KCNJ3: variants seen among roughly 807,000 people sequenced by gnomAD.
KCNJ3 encodes G protein-activated inward rectifier potassium channel 1.
KCNJ3 carries 4 observed loss-of-function variants against 39.2 expected under a neutral mutation model. The observed-to-expected ratio is 0.10, with a 90% CI of 0.05 to 0.23. The LOEUF is 0.23. Among genes scored for constraint, KCNJ3 ranks in the 10% least tolerant of loss-of-function variants. The pLI is 1.00. For synonymous variants in KCNJ3, 230 were observed against 237.4 expected (o/e 0.97, Z 0.29); for missense variants, 276 against 634.9 (o/e 0.43, Z 6.08).
intron 2 of KCNJ3, among the ~76,000 whole-genome samples, chr2:154,719,234 C>T (rs150692535): frequency 6.6e-6 from 1 of 152,252 alleles, no homozygotes; most frequent in Non-Finnish European, 1.5e-5. Flanking sequence ...TATAGGACTC[C>T]TCCATCTAGC....
In KCNJ3 at chr2:154,801,555, T is replaced by TTTTC. The variant is rs796265456; in HGVS notation, c.920-53158_920-53155dup. Among the ~76,000 whole-genome samples, 159 of 151,378 alleles carry TTTTC rather than the reference T, an allele frequency of 1.1e-3. No individual in the cohort carries two copies. The East Asian group carries it at 0.017, about 16-fold the overall frequency. ...TTTCCTTCTTTCTTTCTTTCTTTTCTTTTCTTTCTTTCTTTCTCTGTCTCT... is the reference window on the plus strand; with the variant it reads ...TTTCCTTCTTTCTTTCTTTCTTTTCTTTTCTTTCTTTCTTTCTTTCTCTGTCTCT... On this transcript the variant is annotated intron_variant, in intron 2 of 2. Coordinates refer to ENST00000295101, the MANE Select transcript of KCNJ3 (RefSeq NM_002239.4).
rs902483676 is a variant in KCNJ3 at position 154,853,769 on chromosome 2, C to T, written c.920-958C>T. 4.6e-5 allele frequency among the ~76,000 whole-genome samples: 7 copies of T among 151,982 alleles called. No homozygotes were observed. In the East Asian group the frequency reaches 5.8e-4, roughly 13 times the overall value. ...TTGACTGATTTGATTGTAACACAAT[C>T]GAAATAAATGATTTATGAAGAGAAC... On this transcript the variant is annotated intron_variant, in intron 2 of 2. Transcript: ENST00000295101.
intron 2 of KCNJ3, among the ~76,000 whole-genome samples, chr2:154,770,326 G>A (rs574576887): frequency 6.6e-6 from 1 of 152,286 alleles, no homozygotes; most frequent in South Asian, 2.1e-4. Flanking sequence ...AGAAAGAGGA[G>A]TAGAATTCAT....
intron 2 of KCNJ3, among the ~76,000 whole-genome samples, chr2:154,747,326 G>A (rs1310791361): frequency 6.6e-6 from 1 of 151,964 alleles, no homozygotes; most frequent in Non-Finnish European, 1.5e-5. Flanking sequence ...AGTTGTAAGA[G>A]ATAAGATTAA....
At chr2:154,764,166 T>C (rs1419686905) in intron 2 of KCNJ3, among the ~76,000 whole-genome samples, 1 of 152,240 alleles carries the variant, frequency 6.6e-6, no homozygotes, top group Non-Finnish European at 1.5e-5. Flanking sequence ...ATCTCCATTA[T>C]ATTCTGGGCT....
At chr2:154,730,141 C>T (rs1367416281) in intron 2 of KCNJ3, among the ~76,000 whole-genome samples, 2 of 152,006 alleles carry the variant, frequency 1.3e-5, no homozygotes, top group African/African-American at 2.4e-5. Context: ...TAAGGACCAA[C>T]AGGGCTTTCT....
At chr2:154,759,883 A>G (rs1310731919) in intron 2 of KCNJ3, among the ~76,000 whole-genome samples, 6 of 152,098 alleles carry the variant, frequency 3.9e-5, no homozygotes, top group Non-Finnish European at 5.9e-5. Context: ...TCAGCATTTT[A>G]TTAATAGATC....
At chr2:154,734,965 A>G (rs1026828199) in intron 2 of KCNJ3, among the ~76,000 whole-genome samples, 6 of 152,194 alleles carry the variant, frequency 3.9e-5, no homozygotes, top group African/African-American at 1.4e-4. Context: ...TTCCTCCCAC[A>G]TCAAATTCAG....
At chr2:154,782,583 A>C (rs1686457591) in intron 2 of KCNJ3, among the ~76,000 whole-genome samples, 1 of 152,082 alleles carries the variant, frequency 6.6e-6, no homozygotes. Flanking sequence ...TATAGGTCAG[A>C]AATTGAAGGC....
At chr2:154,727,455 G>C (rs949379738) in intron 2 of KCNJ3, among the ~76,000 whole-genome samples, 1 of 151,690 alleles carries the variant, frequency 6.6e-6, no homozygotes, top group Non-Finnish European at 1.5e-5. Context: ...AACCAGGCGT[G>C]GTGGTGCATG....
intron 2 of KCNJ3, among the ~76,000 whole-genome samples, chr2:154,752,551 C>T (rs1054462305): frequency 9.9e-5 from 15 of 151,994 alleles, no homozygotes; most frequent in Admixed American, 3.3e-4. Context: ...CTATAAAAAT[C>T]GGAAATATTA....
At chr2:154,750,871 T>G (rs1030067050) in intron 2 of KCNJ3, among the ~76,000 whole-genome samples, 1 of 152,040 alleles carries the variant, frequency 6.6e-6, no homozygotes, top group Admixed American at 6.6e-5. Context: ...TGTTTCACTT[T>G]TTTCCTTGGT....
chr2:154,812,406 A>ATTATATATATATAT (rs1687020904), intron 2 of KCNJ3, among the ~76,000 whole-genome samples: 1 of 152,160 alleles, frequency 6.6e-6, no homozygotes, highest in Non-Finnish European at 1.5e-5. Flanking sequence ...GTTAGGACAA[A>ATTATATATATATAT]AATTATAATA....
At chr2:154,725,536 T>C (rs572784524) in intron 2 of KCNJ3, among the ~76,000 whole-genome samples, 10 of 152,230 alleles carry the variant, frequency 6.6e-5, no homozygotes, top group Admixed American at 5.9e-4. Context: ...AGTGTTTTTT[T>C]CCTAGAAATA....
In KCNJ3 at chr2:154,699,120, C is replaced by T. The variant is rs1404102638; in HGVS notation, c.345C>T (p.Ala115=). 6.2e-7 allele frequency: 1 copy of T among 1,614,252 alleles called. No individual in the cohort carries two copies. Among genetic ancestry groups the T allele is most frequent in the South Asian group, 1.1e-5 (1 of 91,084 alleles). Residue 115 remains alanine, a synonymous_variant, in exon 1 of 3, where the codon GCC becomes GCT. Coordinates refer to ENST00000295101, the MANE Select transcript of KCNJ3 (RefSeq NM_002239.4). This position sits in a 1 kb window ranked among gnomAD's most constrained non-coding sequence, Gnocchi z 6.4. ...ACACTCGGGGCGACCTGAACAAAGC[C>T]CACGTCGGTAACTACACGCCTTGCG... ...IAYTRGDLNK[A]HVGNYTPCVA... is the part of the protein sequence containing the mutation.
intron 2 of KCNJ3, among the ~76,000 whole-genome samples, chr2:154,815,577 A>G (rs1053412616): frequency 6.6e-6 from 1 of 152,228 alleles, no homozygotes. Flanking sequence ...TTAACCCAGT[A>G]TAGAACTTGT....
chr2:154,761,319 T>G (rs1273302208), intron 2 of KCNJ3, among the ~76,000 whole-genome samples: 4 of 152,152 alleles, frequency 2.6e-5, no homozygotes, highest in African/African-American at 9.6e-5. Context: ...ACGTTTTAAC[T>G]TCCTCAGTGA....
At chr2:154,747,400 G>T (rs967049341) in intron 2 of KCNJ3, among the ~76,000 whole-genome samples, 3 of 151,796 alleles carry the variant, frequency 2.0e-5, no homozygotes, top group African/African-American at 7.3e-5. Flanking sequence ...TAAACTTTTT[G>T]CTTATATACA....
At chr2:154,762,178 G>T (rs1392189998) in intron 2 of KCNJ3, among the ~76,000 whole-genome samples, 1 of 152,140 alleles carries the variant, frequency 6.6e-6, no homozygotes, top group Non-Finnish European at 1.5e-5. Context: ...AATGTGTGTT[G>T]ATTTAAGCCA....
Sources: allele counts gnomAD v4.1 joint callset (sites outside exome capture counted in the v4.1 genomes callset), GRCh38; gene constraint gnomAD v4.1.1; non-coding constraint Gnocchi (gnomAD v3.1); transcripts MANE v1.5; gene names NCBI Gene and HGNC (gene_info 2026-07-23, HGNC 2026-07-21).